KCNQ1: variants seen among roughly 807,000 people sequenced by gnomAD.
KCNQ1 encodes potassium voltage-gated channel subfamily Q member 1.
In KCNQ1, 49 loss-of-function variants were observed where a neutral mutation model predicts 72.4. The ratio of observed to expected loss-of-function variants is 0.68; its 90% CI spans 0.54 to 0.86. KCNQ1 has a LOEUF of 0.86. Ranked by LOEUF, KCNQ1 falls within the 40% of genes least tolerant of loss-of-function variation. The pLI is 0.00. For synonymous variants in KCNQ1, 450 were observed against 412.6 expected, an observed-to-expected ratio of 1.09 and a Z score of -1.10; for missense variants, 790 against 945.1, an observed-to-expected ratio of 0.84 and a Z score of 2.15.
chr11:2,498,628 G>A lies in KCNQ1; in HGVS notation c.387-29300G>A, dbSNP rs1846959085. 6.6e-6 allele frequency among the ~76,000 whole-genome samples: 1 copy of A among 152,210 alleles called. No homozygotes were observed. Among genetic ancestry groups the A allele is most frequent in the Admixed American group, 6.5e-5 (1 of 15,286 alleles). On this transcript the variant is annotated intron_variant, in intron 1 of 15. Coordinates refer to ENST00000155840, the MANE Select transcript of KCNQ1 (RefSeq NM_000218.3). This position sits in a 1 kb window ranked among gnomAD's most constrained non-coding sequence, Gnocchi z 4.8. ...GTTCTTAGCTTGCTGGGCTCCATGG[G>A]AGTGGGACCCACTGAGTGAGACCAC...
intron 2 of KCNQ1, among the ~76,000 whole-genome samples, chr11:2,540,517 G>A (rs748593909): frequency 1.3e-5 from 2 of 152,240 alleles, no homozygotes. Context: ...TGGGATGACT[G>A]GGGTACCTGG....
rs1848983608 is a variant in KCNQ1 at position 2,611,832 on chromosome 11, T to C, written c.1393+22978T>C. On this transcript the variant is annotated intron_variant, in intron 10 of 15. Transcript: ENST00000155840. This position sits in a 1 kb window ranked among gnomAD's most constrained non-coding sequence, Gnocchi z 5.3. ...TTCTGCAGGTTGAATAGATATGTTC[T>C]AGAGTACCATTCTAATTCCTTTGTT... The C allele has an allele frequency of 2.5e-6, 1 of 398,390 alleles. No individual in the cohort carries two copies. Among genetic ancestry groups the C allele is most frequent in the African/African-American group, 2.1e-5 (1 of 48,640 alleles). 24.7% of individuals were successfully genotyped at this position (398,390 alleles called of 1,614,324 possible). A position where few individuals can be genotyped will look rare whatever the true frequency, so the allele number is the denominator to read the frequency against.
chr11:2,816,569 T>C lies in KCNQ1; in HGVS notation c.1795-31198T>C, dbSNP rs1429857895. The stretch of plus-strand genomic sequence containing the variant: ...CCAGAGGGAGCAAACAGCCACCCTG[T>C]GGTGAAGCCACACCACATATGATGA... On this transcript the variant is annotated intron_variant, in intron 15 of 15. Coordinates refer to ENST00000155840, the MANE Select transcript of KCNQ1 (RefSeq NM_000218.3). This position sits in a 1 kb window ranked among gnomAD's most constrained non-coding sequence, Gnocchi z 6.8. Among the ~76,000 whole-genome samples, 1 of 152,074 alleles carries C rather than the reference T, an allele frequency of 6.6e-6. No individual in the cohort carries two copies. Among genetic ancestry groups the C allele is most frequent in the African/African-American group, 2.4e-5 (1 of 41,390 alleles).
chr11:2,682,033 A>G lies in KCNQ1; in HGVS notation c.1514+19952A>G. 2.5e-6 allele frequency: 1 copy of G among 398,230 alleles called. No individual in the cohort carries two copies. The highest frequency in any genetic ancestry group is 4.4e-6 in the Non-Finnish European group (1 of 225,970). 24.7% of individuals were successfully genotyped at this position (398,230 alleles called of 1,614,324 possible). A position where few individuals can be genotyped will look rare whatever the true frequency, so the allele number is the denominator to read the frequency against. ...CAGCTTTTAACACAAGAATATTATC[A>G]CTCCTGTTTTATAGATAATCTCCTA... On this transcript the variant is annotated intron_variant, in intron 11 of 15. Coordinates refer to ENST00000155840, the MANE Select transcript of KCNQ1 (RefSeq NM_000218.3). The surrounding 1 kb of genome is among the most constrained non-coding windows in gnomAD (Gnocchi z 5.8).
chr11:2,606,078 T>C (rs1564831337), intron 10 of KCNQ1, among the ~76,000 whole-genome samples: 1 of 152,262 alleles, frequency 6.6e-6, no homozygotes, highest in Non-Finnish European at 1.5e-5. Flanking sequence ...ATTTTAAGTA[T>C]ATAGTTATGT....
At chr11:2,568,448 C>T (rs1848278327) in intron 2 of KCNQ1, among the ~76,000 whole-genome samples, 1 of 152,182 alleles carries the variant, frequency 6.6e-6, no homozygotes, top group Non-Finnish European at 1.5e-5. Flanking sequence ...GTCATGGGCA[C>T]CCTGTCTCAG....
At chr11:2,655,135 A>C in intron 10 of KCNQ1, 1 of 398,644 alleles carries the variant, frequency 2.5e-6, no homozygotes, top group East Asian at 3.6e-5. Context: ...CACTGACTAG[A>C]AAGGAGGATG....
rs2133960176 is a variant in KCNQ1 at position 2,748,750 on chromosome 11, C to A, written c.1515-20094C>A. Among the ~76,000 whole-genome samples, 1 of 152,360 alleles carries A rather than the reference C, an allele frequency of 6.6e-6. No homozygotes were observed. ...GGCCTCAAGACCATCTGTCACGTGA[C>A]AGGGGCAGGCTAGGCCTTTCTTGAA... On this transcript the variant is annotated intron_variant, in intron 11 of 15. Coordinates refer to ENST00000155840, the MANE Select transcript of KCNQ1 (RefSeq NM_000218.3). The surrounding 1 kb of genome is among the most constrained non-coding windows in gnomAD (Gnocchi z 6.2).
rs1032815541 is a variant in KCNQ1 at position 2,471,173 on chromosome 11, C to G, written c.386+25689C>G. Among the ~76,000 whole-genome samples, 13 of 152,082 alleles carry G rather than the reference C, an allele frequency of 8.5e-5. No individual in the cohort carries two copies. The highest frequency in any genetic ancestry group is 1.5e-5 in the Non-Finnish European group (1 of 68,014). On this transcript the variant is annotated intron_variant, in intron 1 of 15. Transcript: ENST00000155840. The surrounding 1 kb of genome is among the most constrained non-coding windows in gnomAD (Gnocchi z 4.8). ...GGCTGGGGAACAAGGGCTGACTCGG[C>G]TGCAATCATCCTGCAGCCAGACTCG...
At chr11:2,577,344 G>A (rs1358028025) in intron 6 of KCNQ1, among the ~76,000 whole-genome samples, 6 of 152,314 alleles carry the variant, frequency 3.9e-5, no homozygotes, top group African/African-American at 7.2e-5. Flanking sequence ...GGACTGTTTC[G>A]GCCCAGGAGC....
In KCNQ1 at chr11:2,458,525, G is replaced by A. The variant is rs866569528; in HGVS notation, c.386+13041G>A. The stretch of plus-strand genomic sequence containing the variant: ...AAGTCCTGCCAGGCTCCAGCTCCTG[G>A]TGAGGTCAGGGATTCCGCATGCAGC... On this transcript the variant is annotated intron_variant, in intron 1 of 15. Transcript: ENST00000155840. The surrounding 1 kb of genome is among the most constrained non-coding windows in gnomAD (Gnocchi z 4.6). 5.6e-4 allele frequency among the ~76,000 whole-genome samples: 86 copies of A among 152,224 alleles called. No individual in the cohort carries two copies. Among genetic ancestry groups the A allele is most frequent in the African/African-American group, 2.0e-3 (81 of 41,442 alleles).
intron 1 of KCNQ1, among the ~76,000 whole-genome samples, chr11:2,467,249 G>A (rs767099106): frequency 1.3e-5 from 2 of 152,184 alleles, no homozygotes; most frequent in African/African-American, 2.4e-5. Flanking sequence ...GCTCCATGGG[G>A]TGGGCTGAGC....
At chr11:2,798,192 C>G (rs1274910097) in intron 15 of KCNQ1, among the ~76,000 whole-genome samples, 2 of 152,206 alleles carry the variant, frequency 1.3e-5, no homozygotes, top group Non-Finnish European at 2.9e-5. Flanking sequence ...AGCCCAGGGC[C>G]CAGGAATGGC....
At position 2,661,451 on chromosome 11, in the gene KCNQ1, G is replaced by C; in HGVS notation, c.1394-510G>C. Reference sequence around the variant, plus strand: ...ACTGGTTGATGTAGCATCGTGTTTTGAGGAAGGAGTTCTGTGGCTGCCCCC... The same window carrying C: ...ACTGGTTGATGTAGCATCGTGTTTTCAGGAAGGAGTTCTGTGGCTGCCCCC... On this transcript the variant is annotated intron_variant, in intron 10 of 15. Coordinates refer to ENST00000155840, the MANE Select transcript of KCNQ1 (RefSeq NM_000218.3). The surrounding 1 kb of genome is among the most constrained non-coding windows in gnomAD (Gnocchi z 5.9). 1 of 438,936 alleles carries C rather than the reference G, an allele frequency of 2.3e-6. No homozygotes were observed. Among genetic ancestry groups the C allele is most frequent in the Non-Finnish European group, 4.0e-6 (1 of 249,802 alleles). The allele number at this position is 438,936 out of a possible 1,614,324, so 27.2% of individuals were successfully genotyped here. A position where few individuals can be genotyped will look rare whatever the true frequency, so the allele number is the denominator to read the frequency against.
intron 10 of KCNQ1, chr11:2,636,905 T>C (rs1001034997): frequency 6.6e-6 from 1 of 152,330 alleles, no homozygotes; most frequent in East Asian, 1.9e-4. Flanking sequence ...CTTCCTGGTT[T>C]AGTCTTGGAA....
rs1848828517 is a variant in KCNQ1, at chr11:2,602,986, G to A, written c.1393+14132G>A. On this transcript the variant is annotated intron_variant, in intron 10 of 15. Coordinates refer to ENST00000155840, the MANE Select transcript of KCNQ1 (RefSeq NM_000218.3). This position sits in a 1 kb window ranked among gnomAD's most constrained non-coding sequence, Gnocchi z 4.8. ...TCAGGTCTAAGAAGTCTTTGGCCCT[G>A]GACCCCAAATATCTTCTGCTATAGC... Among the ~76,000 whole-genome samples the A allele has an allele frequency of 6.6e-6, 1 of 152,124 alleles. No homozygotes were observed. Among genetic ancestry groups the A allele is most frequent in the African/African-American group, 2.4e-5 (1 of 41,406 alleles).
chr11:2,531,325 C>T (rs1847626038), intron 2 of KCNQ1, among the ~76,000 whole-genome samples: 1 of 152,112 alleles, frequency 6.6e-6, no homozygotes, highest in Non-Finnish European at 1.5e-5. Context: ...TTCATGTGCC[C>T]GTCTGCAGCC....
rs11023217 is a variant in KCNQ1 at position 2,535,428 on chromosome 11, C to T, written c.477+7410C>T. On this transcript the variant is annotated intron_variant, in intron 2 of 15. Coordinates refer to ENST00000155840, the MANE Select transcript of KCNQ1 (RefSeq NM_000218.3). ...GAACAAAGGCTCAGAATCCACCAAG[C>T]GGAACTTGAAGCCACTGCCCTGTGG... 6.9e-3 allele frequency among the ~76,000 whole-genome samples: 1,057 copies of T among 152,336 alleles called. 4 individuals are homozygous for T. Among genetic ancestry groups the T allele is most frequent in the Non-Finnish European group, 0.01 (700 of 68,030 alleles).
chr11:2,633,387 T>A (rs1405354055), intron 10 of KCNQ1: 1 of 398,448 alleles, frequency 2.5e-6, no homozygotes, highest in East Asian at 3.6e-5. Flanking sequence ...ACAGTCCCAT[T>A]TGTCTATTTT....
Sources: gnomAD v4.1 joint callset for allele counts (sites outside exome capture counted in the v4.1 genomes callset) on GRCh38, gnomAD v4.1.1 for gene constraint, Gnocchi (gnomAD v3.1) non-coding constraint, MANE v1.5 for transcripts, NCBI Gene and HGNC (gene_info 2026-07-23, HGNC 2026-07-21) for gene names.